Variants in SLC38A7 observed in about 807,000 individuals in gnomAD.
The protein encoded by SLC38A7 is sodium-coupled neutral amino acid transporter 7.
Under a neutral mutation model 50.1 loss-of-function variants are expected in SLC38A7, and 29 were observed. That is an observed-to-expected ratio of 0.58 (90% CI 0.43 to 0.79). The LOEUF (loss-of-function observed/expected upper bound fraction) is 0.79. Ranked by LOEUF, SLC38A7 falls within the 30% of genes least tolerant of loss-of-function variation. SLC38A7 has a pLI of 0.00. For missense variants in SLC38A7, 483 were observed against 610.6 expected, an observed-to-expected ratio of 0.79 and a Z score of 2.20; for synonymous variants, 244 against 245.9, an observed-to-expected ratio of 0.99 and a Z score of 0.07.
chr16:58,676,416 C>A, intron 6 of SLC38A7, 70 bp from the exon 7 acceptor site: 1 of 1,556,398 alleles, frequency 6.4e-7, no homozygotes, highest in East Asian at 2.2e-5. Context: ...CACGCCCTCA[C>A]TCTTCGGTCA....
intron 11 of SLC38A7, 65 bp from the exon 12 acceptor site, chr16:58,667,552 T>C (rs1354745028): frequency 1.6e-6 from 2 of 1,221,504 alleles, no homozygotes; most frequent in Non-Finnish European, 2.3e-6. Flanking sequence ...GACTTCAATA[T>C]ATATAACTGT....
At chr16:58,671,455 A>G in intron 9 of SLC38A7, 1 of 597,398 alleles carries the variant, frequency 1.7e-6, no homozygotes, top group Non-Finnish European at 3.0e-6. Context: ...TTTGCTTTAC[A>G]TCACATGGAA....
chr16:58,680,212 T>C lies in SLC38A7; in HGVS notation c.-86A>G. The C allele has an allele frequency of 1.4e-6, 2 of 1,433,624 alleles. No individual in the cohort carries two copies. The highest frequency in any genetic ancestry group is 1.8e-6 in the Non-Finnish European group (2 of 1,089,192). 88.8% of individuals were successfully genotyped at this position (1,433,624 alleles called of 1,614,324 possible). On this transcript the variant is annotated 5_prime_UTR_variant, in exon 3 of 12. Coordinates refer to ENST00000219320, the MANE Select transcript of SLC38A7 (RefSeq NM_018231.3). ...GGGAGCTGAGCAACACCCACCTGTT[T>C]GGGGCTGTTAGCTTAGGACTCTTCT...
rs766145824 is a variant in SLC38A7, at chr16:58,680,037, A to C, written c.90T>G (p.Cys30Trp). The change falls in exon 3 of 12, where the codon TGT becomes TGG. Residue 30 changes from cysteine (C) to tryptophan (W), a missense_variant. By Grantham distance (215) the Cys-to-Trp change is radical. Transcript: ENST00000219320. ...GERARLLQSP[C>W]VDTAPKSEWE... ...ACTCACTCTTGGGGGCTGTGTCCAC[A>C]CAGGGACTCTGCAGCAGCCGAGCCC... 5 of 1,605,512 alleles carry C rather than the reference A, an allele frequency of 3.1e-6. No individual in the cohort carries two copies. The highest frequency in any genetic ancestry group is 1.7e-6 in the Non-Finnish European group (2 of 1,175,174).
chr16:58,671,768 C>CCG, intron 9 of SLC38A7: 1 of 230,792 alleles, frequency 4.3e-6, no homozygotes, highest in Non-Finnish European at 8.5e-6. Context: ...TGGGGTCTCA[C>CCG]TAGGTTGCCC....
chr16:58,673,259 G>T (rs1263355160), intron 8 of SLC38A7, among the ~76,000 whole-genome samples: 2 of 143,396 alleles, frequency 1.4e-5, no homozygotes, highest in African/African-American at 5.2e-5. Flanking sequence ...TTTTTGAGAT[G>T]GAGTTTTGCT....
At position 58,666,845 on chromosome 16, in the gene SLC38A7, A is replaced by C. The variant is rs1379246650; in HGVS notation, c.*540T>G. ...CTATGGGAAAGAGGCTGACAGGTTC[A>C]TGGTGGGGGTTGCCCAGGAAGGTGT... On this transcript the variant is annotated 3_prime_UTR_variant, in exon 12 of 12. Transcript: ENST00000219320. 6.5e-6 allele frequency: 1 copy of C among 153,764 alleles called. No homozygotes were observed. Among genetic ancestry groups the C allele is most frequent in the Non-Finnish European group, 1.5e-5 (1 of 68,914 alleles). The allele number at this position is 153,764 out of a possible 1,614,324, so 9.5% of individuals were successfully genotyped here.
chr16:58,672,274 C>G, intron 8 of SLC38A7, 31 bp from the exon 9 acceptor site: 1 of 1,563,398 alleles, frequency 6.4e-7, no homozygotes, highest in Non-Finnish European at 8.7e-7. Context: ...GTCAGGGCAA[C>G]CCTGGGAGGG....
chr16:58,669,227 T>C (rs1597663034), intron 11 of SLC38A7, among the ~76,000 whole-genome samples: 2 of 149,812 alleles, frequency 1.3e-5, no homozygotes, highest in South Asian at 4.3e-4. Flanking sequence ...GCAATTCTCC[T>C]GCCTCAGTCT....
chr16:58,676,397 AACCC>A, intron 6 of SLC38A7, 51 bp from the exon 7 acceptor site: 1 of 1,601,178 alleles, frequency 6.2e-7, no homozygotes, highest in Non-Finnish European at 8.6e-7. Context: ...TCAGAGCCAC[AACCC>A]ACCCCACGCC....
intron 1 of SLC38A7, chr16:58,684,415 G>A (rs1158615084): frequency 1.3e-5 from 2 of 152,436 alleles, no homozygotes; most frequent in Non-Finnish European, 2.9e-5. Flanking sequence ...GCGCACCCGG[G>A]CCAGGAGGCC....
chr16:58,683,625 C>T (rs1025860671), intron 2 of SLC38A7: 2 of 152,294 alleles, frequency 1.3e-5, no homozygotes, highest in Non-Finnish European at 2.9e-5. Context: ...GAGAAAGAAC[C>T]CTGCAAAGTG....
At chr16:58,683,537 C>G (rs1289996077) in intron 2 of SLC38A7, 1 of 152,264 alleles carries the variant, frequency 6.6e-6, no homozygotes, top group Non-Finnish European at 1.5e-5. Context: ...TCCTGTCACC[C>G]AACCAGCAAC....
intron 6 of SLC38A7, 134 bp downstream of exon 6, chr16:58,677,192 A>G: frequency 1.4e-6 from 1 of 700,990 alleles, no homozygotes; most frequent in Admixed American, 2.5e-5. Context: ...CCTTCCTACA[A>G]TGACCAAGTC....
intron 6 of SLC38A7, 67 bp downstream of exon 6, chr16:58,677,259 G>A (rs1264383147): frequency 1.4e-6 from 2 of 1,400,130 alleles, no homozygotes; most frequent in African/African-American, 1.4e-5. Context: ...TCTGGTTCCT[G>A]ACCCAGCACC....
intron 2 of SLC38A7, among the ~76,000 whole-genome samples, chr16:58,682,635 ATT>A (rs11292515): frequency 2.8e-5 from 4 of 143,504 alleles, no homozygotes; most frequent in African/African-American, 1.0e-4. Flanking sequence ...AACTTTTAAA[ATT>A]TTTTTTTTTT....
intron 11 of SLC38A7, among the ~76,000 whole-genome samples, chr16:58,667,835 T>C (rs2044072293): frequency 6.6e-6 from 1 of 152,148 alleles, no homozygotes. Flanking sequence ...CAAATGTATG[T>C]ACCAATTAAC....
At chr16:58,671,926 C>T (rs1005386794) in intron 9 of SLC38A7, 170 bp downstream of exon 9, 17 of 684,810 alleles carry the variant, frequency 2.5e-5, no homozygotes, top group South Asian at 5.2e-5. Flanking sequence ...GGACAAAGGG[C>T]GCTTCTGACA....
In SLC38A7 at chr16:58,678,942, G is replaced by C. The variant is rs1388619746; in HGVS notation, c.271-48C>G. ...AGCTTGTGGCAAAGGCCTGGCAGCA[G>C]AGGGCACCCTGGGCTCGCCTAGCAT... On this transcript the variant is annotated intron_variant, in intron 3 of 11. Coordinates refer to ENST00000219320, the MANE Select transcript of SLC38A7 (RefSeq NM_018231.3). This position sits in a 1 kb window ranked among gnomAD's most constrained non-coding sequence, Gnocchi z 4.0. 6.3e-7 allele frequency: 1 copy of C among 1,587,854 alleles called. No individual in the cohort carries two copies. The highest frequency in any genetic ancestry group is 1.7e-5 in the Admixed American group (1 of 59,180).
Sources: gnomAD v4.1 joint callset for allele counts (sites outside exome capture counted in the v4.1 genomes callset) on GRCh38, gnomAD v4.1.1 for gene constraint, Gnocchi (gnomAD v3.1) non-coding constraint, MANE v1.5 for transcripts, NCBI Gene and HGNC (gene_info 2026-07-23, HGNC 2026-07-21) for gene names.